PTPRD: variants seen among roughly 807,000 people sequenced by gnomAD.
PTPRD encodes the protein protein tyrosine phosphatase receptor type D.
PTPRD carries 34 observed loss-of-function variants against 214.5 expected under a neutral mutation model. The observed-to-expected ratio is 0.16, with a 90% CI of 0.12 to 0.21. The LOEUF is 0.21. PTPRD is among the 10% of genes least tolerant of loss of function. The pLI, the probability that PTPRD is intolerant of heterozygous loss-of-function variation, is 1.00. For synonymous variants in PTPRD, 1,128 were observed against 845.7 expected, an observed-to-expected ratio of 1.33 and a Z score of -5.79; for missense variants, 2,545 against 2,398.7, an observed-to-expected ratio of 1.06 and a Z score of -1.27.
chr9:9,332,343 A>T (rs2042635556), intron 9 of PTPRD, among the ~76,000 whole-genome samples: 1 of 151,954 alleles, frequency 6.6e-6, no homozygotes, highest in Admixed American at 6.6e-5. Flanking sequence ...AGCTTGAAAA[A>T]ATATTTATCC....
intron 7 of PTPRD, among the ~76,000 whole-genome samples, chr9:9,580,100 T>A: frequency 6.6e-6 from 1 of 152,190 alleles, no homozygotes; most frequent in East Asian, 1.9e-4. Flanking sequence ...TACATTTTCT[T>A]TATTCAATCA....
At chr9:8,698,141 C>G (rs894076407) in intron 12 of PTPRD, among the ~76,000 whole-genome samples, 2 of 152,136 alleles carry the variant, frequency 1.3e-5, no homozygotes, top group African/African-American at 2.4e-5. Context: ...ATACAACACT[C>G]AAAAAATGAG....
chr9:8,316,030 A>ATAAG lies in PTPRD; in HGVS notation c.*1840_*1843dup, dbSNP rs1821527315. ...GTTGCCAATGATATTTGTTACTAAA[A>ATAAG]TAAGTTTGGTGCAGTTACTGCATGT... On this transcript the variant is annotated 3_prime_UTR_variant, in exon 46 of 46. Coordinates refer to ENST00000381196, the MANE Select transcript of PTPRD (RefSeq NM_002839.4). 2 of 228,092 alleles carry ATAAG rather than the reference A, an allele frequency of 8.8e-6. No individual in the cohort carries two copies. The highest frequency in any genetic ancestry group is 1.7e-5 in the Non-Finnish European group (2 of 114,674). The allele number at this position is 228,092 out of a possible 1,614,324, so 14.1% of individuals were successfully genotyped here. A position where few individuals can be genotyped will look rare whatever the true frequency, so the allele number is the denominator to read the frequency against.
intron 5 of PTPRD, among the ~76,000 whole-genome samples, chr9:9,906,813 C>T (rs948494419): frequency 1.3e-5 from 2 of 151,884 alleles, no homozygotes; most frequent in Admixed American, 6.6e-5. Flanking sequence ...AAAGCACATT[C>T]ATAAGATTAT....
At chr9:9,897,477 C>T (rs998211009) in intron 5 of PTPRD, among the ~76,000 whole-genome samples, 2 of 151,912 alleles carry the variant, frequency 1.3e-5, no homozygotes, top group African/African-American at 2.4e-5. Context: ...AAAGTTTATT[C>T]GCAATATAGT....
chr9:10,226,254 C>A (rs1382348250), intron 3 of PTPRD, among the ~76,000 whole-genome samples: 2 of 152,054 alleles, frequency 1.3e-5, no homozygotes, highest in African/African-American at 2.4e-5. Context: ...AGTGTGGCTA[C>A]CAGCCAATGG....
chr9:9,441,593 T>A (rs1274253462), intron 8 of PTPRD, among the ~76,000 whole-genome samples: 2 of 152,148 alleles, frequency 1.3e-5, no homozygotes, highest in East Asian at 3.9e-4. Flanking sequence ...TCAGGAATTA[T>A]CATGCTGCCC....
chr9:10,424,881 T>G (rs2098598014), intron 2 of PTPRD, among the ~76,000 whole-genome samples: 1 of 151,988 alleles, frequency 6.6e-6, no homozygotes, highest in South Asian at 2.1e-4. Context: ...AATCACTTTT[T>G]TACCATAATG....
At chr9:8,714,638 G>C (rs953862232) in intron 12 of PTPRD, among the ~76,000 whole-genome samples, 1 of 152,008 alleles carries the variant, frequency 6.6e-6, no homozygotes, top group African/African-American at 2.4e-5. Context: ...CTTTGGACTG[G>C]CTGTTTTCCT....
chr9:9,923,804 G>C (rs1359002389), intron 5 of PTPRD, among the ~76,000 whole-genome samples: 55 of 151,918 alleles, frequency 3.6e-4, no homozygotes, highest in Admixed American at 3.5e-3. Context: ...AAAGATACTA[G>C]AAGTTGTACT....
At chr9:9,061,203 T>C (rs915616135) in intron 10 of PTPRD, among the ~76,000 whole-genome samples, 2 of 152,148 alleles carry the variant, frequency 1.3e-5, no homozygotes, top group African/African-American at 2.4e-5. Flanking sequence ...ATTCCTTTGG[T>C]TGTAAATTTG....
At chr9:10,060,932 C>A (rs2097765958) in intron 3 of PTPRD, among the ~76,000 whole-genome samples, 1 of 117,704 alleles carries the variant, frequency 8.5e-6, no homozygotes. Context: ...TTCTTTCTTT[C>A]TTTCTTTCTT....
At position 8,740,384 on chromosome 9, in the gene PTPRD, C is replaced by T. The variant is rs560973164; in HGVS notation, c.-103-6438G>A. ...AAAGGACAAGCATACTTCTAAACAT[C>T]CTCATGAAATAATTTGTATAGTTGT... is the stretch of plus-strand genomic sequence containing the variant. On this transcript the variant is annotated intron_variant, in intron 11 of 45. Transcript: ENST00000381196. Among the ~76,000 whole-genome samples, 19 of 152,300 alleles carry T rather than the reference C, an allele frequency of 1.2e-4. No homozygotes were observed. The East Asian group carries it at 3.1e-3, about 25-fold the overall frequency.
intron 33 of PTPRD, among the ~76,000 whole-genome samples, chr9:8,454,811 AGTGTGT>A (rs3043784): frequency 0.27 from 40,462 of 148,502 alleles, 5,529 homozygotes; most frequent in East Asian, 0.52. Flanking sequence ...CTGAATACAT[AGTGTGT>A]GTGTGTGTGT....
chr9:8,815,006 C>A (rs536785405), intron 11 of PTPRD, among the ~76,000 whole-genome samples: 1 of 152,236 alleles, frequency 6.6e-6, no homozygotes, highest in South Asian at 2.1e-4. Context: ...CTGTTCTCAA[C>A]TATAGCCAAA....
chr9:8,383,891 C>G (rs1439613524), intron 37 of PTPRD, among the ~76,000 whole-genome samples: 1 of 152,080 alleles, frequency 6.6e-6, no homozygotes, highest in Non-Finnish European at 1.5e-5. Context: ...ATATTCTAAC[C>G]CTGACTAAGC....
At chr9:9,341,813 A>T (rs1182279194) in intron 9 of PTPRD, among the ~76,000 whole-genome samples, 2 of 151,718 alleles carry the variant, frequency 1.3e-5, no homozygotes, top group Non-Finnish European at 2.9e-5. Flanking sequence ...TATTATTATT[A>T]TTTTTATTTT....
intron 3 of PTPRD, among the ~76,000 whole-genome samples, chr9:10,104,430 C>T (rs969333247): frequency 1.3e-5 from 2 of 151,704 alleles, no homozygotes; most frequent in African/African-American, 4.8e-5. Flanking sequence ...CATATGCACA[C>T]ACACATAATG....
intron 3 of PTPRD, among the ~76,000 whole-genome samples, chr9:10,039,447 G>A (rs529724835): frequency 6.6e-6 from 1 of 152,150 alleles, no homozygotes; most frequent in Admixed American, 6.6e-5. Flanking sequence ...TCTATTATCT[G>A]TGTATGTTTA....
Sources: allele counts gnomAD v4.1 joint callset (sites outside exome capture counted in the v4.1 genomes callset), GRCh38; gene constraint gnomAD v4.1.1; transcripts MANE v1.5; gene names NCBI Gene and HGNC (gene_info 2026-07-23, HGNC 2026-07-21).